Variants in UGT2B7 observed in about 807,000 individuals in gnomAD.
UGT2B7 encodes the protein UDP-glucuronosyltransferase 2B7.
A neutral mutation model predicts 51.9 loss-of-function variants in UGT2B7; 51 were observed. The ratio of observed to expected loss-of-function variants is 0.98; its 90% CI spans 0.78 to 1.24. UGT2B7 has a LOEUF of 1.24. Ranked by LOEUF, UGT2B7 falls within the 50% of genes most tolerant of loss-of-function variation. UGT2B7 has a pLI of 0.00. For synonymous variants in UGT2B7, 225 were observed against 211.6 expected (o/e 1.06, Z -0.55); for missense variants, 727 against 628.4 (o/e 1.16, Z -1.68).
chr4:69,096,001 G>A (rs1719212105), upstream of UGT2B7, among the ~76,000 whole-genome samples: 2 of 152,088 alleles, frequency 1.3e-5, no homozygotes, highest in South Asian at 4.1e-4. Flanking sequence ...ATTTTGGGGA[G>A]ATAAAAGGGC....
At chr4:69,095,195 C>A (rs1392567628), upstream of UGT2B7, among the ~76,000 whole-genome samples, 1 of 152,184 alleles carries the variant, frequency 6.6e-6, no homozygotes, top group African/African-American at 2.4e-5. Context: ...TTGCAGGGCA[C>A]TGAGCAAGGA....
At chr4:69,074,052 A>C (rs765510621) in intron 1 of UGT2B7, among the ~76,000 whole-genome samples, 1 of 152,110 alleles carries the variant, frequency 6.6e-6, no homozygotes, top group Non-Finnish European at 1.5e-5. Flanking sequence ...CTTATTTAAA[A>C]ATCTCATTTT....
intron 1 of UGT2B7, among the ~76,000 whole-genome samples, chr4:69,080,969 A>G (rs1483851614): frequency 6.6e-6 from 1 of 152,210 alleles, no homozygotes; most frequent in Non-Finnish European, 1.5e-5. Flanking sequence ...ACACAGAAGC[A>G]TAGATAGCTG....
upstream of UGT2B7, among the ~76,000 whole-genome samples, chr4:69,093,429 G>A (rs147955933): frequency 9.5e-3 from 1,442 of 152,296 alleles, 19 homozygotes; most frequent in South Asian, 0.045. Context: ...CCAAGCCAGT[G>A]GATCTTATCC....
At chr4:69,072,758 T>C (rs943420666) in intron 1 of UGT2B7, among the ~76,000 whole-genome samples, 1 of 152,130 alleles carries the variant, frequency 6.6e-6, no homozygotes, top group Non-Finnish European at 1.5e-5. Context: ...AACATTCAAC[T>C]AGCTGGCAAA....
At chr4:69,080,837 T>C (rs761021150) in intron 1 of UGT2B7, among the ~76,000 whole-genome samples, 8 of 152,174 alleles carry the variant, frequency 5.3e-5, no homozygotes, top group Non-Finnish European at 8.8e-5. Flanking sequence ...CTTATTTAAA[T>C]ATAAACGTGA....
At chr4:69,092,946 C>T (rs6819757), upstream of UGT2B7, among the ~76,000 whole-genome samples, 85,639 of 147,042 alleles carry the variant, frequency 0.58, 25,624 homozygotes, top group African/African-American at 0.72. Context: ...ATGCCAAAAA[C>T]AATACCCCCA....
chr4:69,112,929 A>G lies in UGT2B7; in HGVS notation c.*193A>G. 3 of 818,844 alleles carry G rather than the reference A, an allele frequency of 3.7e-6. No homozygotes were observed. Among genetic ancestry groups the G allele is most frequent in the Middle Eastern group, 4.0e-4 (1 of 2,500 alleles). The allele number at this position is 818,844 out of a possible 1,614,324, so 50.7% of individuals were successfully genotyped here. A position where few individuals can be genotyped will look rare whatever the true frequency, so the allele number is the denominator to read the frequency against. ...GATTTACCACCCAGTTCATGGTTAG[A>G]AATATTTTGTGGCAATGAAGAAAAC... On this transcript the variant is annotated 3_prime_UTR_variant, in exon 6 of 6. Transcript: ENST00000305231.
In UGT2B7 at chr4:69,097,266, C is replaced by T. The variant is rs551875805; in HGVS notation, c.721+25C>T. 68 of 1,594,414 alleles carry T rather than the reference C, an allele frequency of 4.3e-5. 1 individual carries two copies. The South Asian group carries it at 7.1e-4, about 17-fold the overall frequency. On this transcript the variant is annotated intron_variant, in intron 1 of 5. Coordinates refer to ENST00000305231, the MANE Select transcript of UGT2B7 (RefSeq NM_001074.4). Reference sequence around the variant, plus strand: ...GGTAAGTATTTTTTTCAATCAGTAACATGAAGCTCTAACTTATTTGTGTCT... The same window carrying T: ...GGTAAGTATTTTTTTCAATCAGTAATATGAAGCTCTAACTTATTTGTGTCT...
At chr4:69,107,364 A>G in intron 4 of UGT2B7, 102 bp downstream of exon 4, 1 of 1,275,730 alleles carries the variant, frequency 7.8e-7, no homozygotes, top group Non-Finnish European at 1.1e-6. Flanking sequence ...TTAAGGAAAA[A>G]CAAAATGTAA....
intron 1 of UGT2B7, among the ~76,000 whole-genome samples, chr4:69,070,425 G>A (rs1718576096): frequency 1.4e-5 from 2 of 138,732 alleles, no homozygotes; most frequent in African/African-American, 5.7e-5. Context: ...TGGAATATAT[G>A]TGTCCCTGTC....
chr4:69,068,088 A>C (rs1464607763), intron 1 of UGT2B7, among the ~76,000 whole-genome samples: 1 of 152,148 alleles, frequency 6.6e-6, no homozygotes, highest in East Asian at 1.9e-4. Context: ...AAAGGTTACC[A>C]TAATAAAACA....
rs1560499742 is a variant in UGT2B7, at chr4:69,064,088, GAAAGAAAGAGAAAGAAAGAAAGAA to G, written c.-159+12496_-159+12519del. ...AGAAAGAAAGAAAGAAAGAAAGAAA[GAAAGAAAGAGAAAGAAAGAAAGAA>G]AAAGAAAGAAAGAAAGAAAGAAAGA... On this transcript the variant is annotated intron_variant, in intron 1 of 5. Transcript: ENST00000502942. Among the ~76,000 whole-genome samples, 178 of 104,712 alleles carry G rather than the reference GAAAGAAAGAGAAAGAAAGAAAGAA, an allele frequency of 1.7e-3. 1 individual carries two copies. The highest frequency in any genetic ancestry group is 7.7e-3 in the African/African-American group (153 of 19,840). The allele number at this position is 104,712 out of a possible 152,430, so 68.7% of individuals were successfully genotyped here. A position where few individuals can be genotyped will look rare whatever the true frequency, so the allele number is the denominator to read the frequency against.
chr4:69,098,613 G>A lies in UGT2B7; in HGVS notation c.795G>A (p.Gln265=), dbSNP rs778509979. The A allele has an allele frequency of 6.2e-7, 1 of 1,612,164 alleles. No individual in the cohort carries two copies. Among genetic ancestry groups the A allele is most frequent in the African/African-American group, 1.3e-5 (1 of 74,628 alleles). The change falls in exon 2 of 6, where the codon CAG becomes CAA. Residue 265 remains glutamine (Q), a synonymous_variant. Coordinates refer to ENST00000305231, the MANE Select transcript of UGT2B7 (RefSeq NM_001074.4). The part of the protein sequence containing the change: ...VWLIRNSWNF[Q]FPYPLLPNVD... ...TTATTCGAAACTCCTGGAATTTTCA[G>A]TTTCCATATCCACTCTTACCAAATG...
Position 69,110,441 on chromosome 4 carries a change from A to G in UGT2B7, c.1311-2016A>G, listed in dbSNP as rs1560513111. On this transcript the variant is annotated intron_variant, in intron 5 of 5. Transcript: ENST00000305231. ...CTACTCCCAGTTATATACCCAACAG[A>G]TATGTATAAATAAATCTAATACCAT... Among the ~76,000 whole-genome samples, 6 of 148,106 alleles carry G rather than the reference A, an allele frequency of 4.1e-5. No homozygotes were observed. In the South Asian group the frequency reaches 1.3e-3, roughly 32 times the overall value.
chr4:69,100,587 C>A (rs1285218185), intron 2 of UGT2B7, among the ~76,000 whole-genome samples: 1 of 151,898 alleles, frequency 6.6e-6, no homozygotes, highest in African/African-American at 2.4e-5. Flanking sequence ...ATCTATGCCA[C>A]CCTACCCTAC....
chr4:69,091,476 A>C (rs1184751873), upstream of UGT2B7, among the ~76,000 whole-genome samples: 1 of 152,152 alleles, frequency 6.6e-6, no homozygotes, highest in Non-Finnish European at 1.5e-5. Context: ...GGTTGGAACA[A>C]ATTTTTCTGG....
intron 5 of UGT2B7, 60 bp downstream of exon 5, chr4:69,108,382 T>C (rs932466977): frequency 2.5e-6 from 4 of 1,571,400 alleles, no homozygotes; most frequent in Non-Finnish European, 3.5e-6. Flanking sequence ...TTGTCAATAG[T>C]GAGTGTGAGT....
At chr4:69,060,905 C>G (rs3922514) in intron 1 of UGT2B7, among the ~76,000 whole-genome samples, 29 of 151,992 alleles carry the variant, frequency 1.9e-4, no homozygotes, top group Non-Finnish European at 1.6e-4. Context: ...ACCTTGCTCC[C>G]CATTGAATCA....
Sources: gnomAD v4.1 joint callset for allele counts (sites outside exome capture counted in the v4.1 genomes callset) on GRCh38, gnomAD v4.1.1 for gene constraint, MANE v1.5 for transcripts, NCBI Gene and HGNC (gene_info 2026-07-23, HGNC 2026-07-21) for gene names.